The following STRA6 variants were observed in gnomAD, a reference collection of about 807,000 sequenced individuals.
The protein encoded by STRA6 is signaling receptor and transporter of retinol STRA6.
A neutral mutation model predicts 83.6 loss-of-function variants in STRA6; 48 were observed. That is an observed-to-expected ratio of 0.57 (90% CI 0.46 to 0.73). The LOEUF (loss-of-function observed/expected upper bound fraction) is 0.73. Ranked by LOEUF, STRA6 falls within the 30% of genes least tolerant of loss-of-function variation. STRA6 has a pLI of 0.00. For missense variants in STRA6, 760 were observed against 838.8 expected, an observed-to-expected ratio of 0.91 and a Z score of 1.16; for synonymous variants, 353 against 362.3, an observed-to-expected ratio of 0.97 and a Z score of 0.29.
intron 4 of STRA6, chr15:74,196,435 T>C (rs2073827226): frequency 4.3e-6 from 2 of 469,950 alleles, no homozygotes; most frequent in Admixed American, 3.4e-5. Flanking sequence ...ACCTCCACAC[T>C]AATTGGTCTG....
At chr15:74,197,621 G>T (rs1353049250) in intron 3 of STRA6, 131 bp downstream of exon 3, 2 of 1,320,618 alleles carry the variant, frequency 1.5e-6, no homozygotes, top group African/African-American at 1.5e-5. Context: ...CAAGCTGGGA[G>T]AACTCCCAGA....
Position 74,197,942 on chromosome 15 carries a change from C to T in STRA6, c.114-124G>A. 29 of 1,025,690 alleles carry T rather than the reference C, an allele frequency of 2.8e-5. 3 individuals carry two copies. In the South Asian group the frequency reaches 3.9e-4, roughly 14 times the overall value. The allele number at this position is 1,025,690 out of a possible 1,614,324, so 63.5% of individuals were successfully genotyped here. On this transcript the variant is annotated intron_variant, in intron 2 of 18. Coordinates refer to ENST00000395105, the MANE Select transcript of STRA6 (RefSeq NM_022369.4). ...ACTACCTCCCTCAACCCTCTGATCCCTCCTACACAAGCCTTCCCAGTCCCA... is the reference window on the plus strand; with the variant it reads ...ACTACCTCCCTCAACCCTCTGATCCTTCCTACACAAGCCTTCCCAGTCCCA...
intron 12 of STRA6, among the ~76,000 whole-genome samples, chr15:74,185,265 G>A (rs1010568907): frequency 6.6e-6 from 1 of 152,224 alleles, no homozygotes; most frequent in Non-Finnish European, 1.5e-5. Flanking sequence ...GACATACAGT[G>A]GTCAAGAGAT....
At chr15:74,197,488 G>A in intron 3 of STRA6, 65 bp from the exon 4 acceptor site, 4 of 1,380,426 alleles carry the variant, frequency 2.9e-6, no homozygotes, top group Non-Finnish European at 4.0e-6. Flanking sequence ...TGAGTTTGAG[G>A]GCTTGGACTC....
At chr15:74,204,065 C>G (rs537706342), upstream of STRA6, among the ~76,000 whole-genome samples, 6 of 152,354 alleles carry the variant, frequency 3.9e-5, no homozygotes, top group African/African-American at 1.4e-4. Context: ...GTTCCTCCCC[C>G]TTCTTCCCAA....
At chr15:74,199,863 G>A (rs1000999788) in intron 2 of STRA6, among the ~76,000 whole-genome samples, 2 of 152,360 alleles carry the variant, frequency 1.3e-5, no homozygotes, top group East Asian at 1.9e-4. Flanking sequence ...AGCAGGTGCT[G>A]AAGGATGCAG....
At chr15:74,190,724 TG>T in intron 11 of STRA6, 115 bp downstream of exon 11, 1 of 1,498,870 alleles carries the variant, frequency 6.7e-7, no homozygotes, top group Non-Finnish European at 9.3e-7. Context: ...CTGCAGCACC[TG>T]GTCAGGGTTC....
At chr15:74,182,310 G>T (rs1275238244) in intron 15 of STRA6, 33 bp downstream of exon 15, 26 of 1,613,908 alleles carry the variant, frequency 1.6e-5, no homozygotes, top group East Asian at 2.2e-5. Flanking sequence ...CCTCTAAGGA[G>T]TCCCTGAGCC....
In STRA6 at chr15:74,195,931, G is replaced by A. The variant is rs1031011930; in HGVS notation, c.406+77C>T. 7 of 1,594,566 alleles carry A rather than the reference G, an allele frequency of 4.4e-6. No individual in the cohort carries two copies. In the African/African-American group the frequency reaches 9.4e-5, roughly 21 times the overall value. Reference sequence around the variant, plus strand: ...GTTCCTGTTACTCTCATCTCCTTGAGCCAAGCTTAAAACTCCGAGACCCCA... The same window carrying A: ...GTTCCTGTTACTCTCATCTCCTTGAACCAAGCTTAAAACTCCGAGACCCCA... On this transcript the variant is annotated intron_variant, in intron 5 of 18. Transcript: ENST00000395105.
intron 8 of STRA6, among the ~76,000 whole-genome samples, chr15:74,192,473 G>A (rs1347876610): frequency 6.6e-6 from 1 of 152,164 alleles, no homozygotes; most frequent in Non-Finnish European, 1.5e-5. Flanking sequence ...GGGACCCGGG[G>A]TTCTCCATCC....
chr15:74,182,057 TAGAG>T, intron 16 of STRA6, 100 bp downstream of exon 16: 4 of 1,027,682 alleles, frequency 3.9e-6, no homozygotes, highest in Admixed American at 1.8e-5. Flanking sequence ...GGTTCCTTGA[TAGAG>T]AGAAGGGATA....
chr15:74,182,867 T>C, intron 14 of STRA6: 1 of 255,864 alleles, frequency 3.9e-6, no homozygotes, highest in Non-Finnish European at 7.7e-6. Flanking sequence ...GGACTGTCTA[T>C]TGAAATAATC....
chr15:74,182,569 G>T (rs1330052372), intron 14 of STRA6, 109 bp from the exon 15 acceptor site: 2 of 858,466 alleles, frequency 2.3e-6, no homozygotes, highest in African/African-American at 3.4e-5. Context: ...CCTGGTTTTA[G>T]ATCTCTGCTC....
chr15:74,211,672 G>A (rs2074370311), upstream of STRA6, among the ~76,000 whole-genome samples: 1 of 152,056 alleles, frequency 6.6e-6, no homozygotes, highest in East Asian at 1.9e-4. Flanking sequence ...CCAAAGTGCT[G>A]GGATTACAGG....
chr15:74,186,871 CG>C (rs2073279059), intron 12 of STRA6, among the ~76,000 whole-genome samples: 1 of 152,194 alleles, frequency 6.6e-6, no homozygotes, highest in Non-Finnish European at 1.5e-5. Flanking sequence ...GCTTGAGCAA[CG>C]GGAATGTTAA....
chr15:74,186,115 A>T (rs2073235049), intron 12 of STRA6, among the ~76,000 whole-genome samples: 1 of 152,214 alleles, frequency 6.6e-6, no homozygotes, highest in African/African-American at 2.4e-5. Context: ...GCCTGCACCC[A>T]AACCAGTTAA....
At chr15:74,184,178 T>A (rs189648002) in intron 13 of STRA6, among the ~76,000 whole-genome samples, 189 bp from the exon 14 acceptor site, 1 of 152,176 alleles carries the variant, frequency 6.6e-6, no homozygotes, top group Non-Finnish European at 1.5e-5. Flanking sequence ...GATATCTGGG[T>A]AGTCTTAAAC....
intron 12 of STRA6, among the ~76,000 whole-genome samples, chr15:74,185,475 GATA>G (rs892216900): frequency 1.8e-4 from 27 of 152,214 alleles, no homozygotes; most frequent in African/African-American, 5.8e-4. Flanking sequence ...CAGCTCTCAG[GATA>G]ATGTGAGCCA....
At chr15:74,202,904 C>G (rs573548788), upstream of STRA6, 1 of 992,422 alleles carries the variant, frequency 1.0e-6, no homozygotes, top group Admixed American at 6.0e-5. Context: ...CAAAGCCCCC[C>G]TCCTGGGGGA....
Sources: gnomAD v4.1 joint callset for allele counts (sites outside exome capture counted in the v4.1 genomes callset) on GRCh38, gnomAD v4.1.1 for gene constraint, MANE v1.5 for transcripts, NCBI Gene and HGNC (gene_info 2026-07-23, HGNC 2026-07-21) for gene names.